The following DPP10 variants were observed in gnomAD, a reference collection of about 807,000 sequenced individuals.
DPP10 encodes the protein inactive dipeptidyl peptidase 10.
In DPP10, 33 loss-of-function variants were observed where a neutral mutation model predicts 120.9. The observed-to-expected ratio is 0.27, with a 90% CI of 0.21 to 0.37. DPP10 has a LOEUF of 0.37. Ranked by LOEUF, DPP10 falls within the 10% of genes least tolerant of loss-of-function variation. The pLI, the probability that DPP10 is intolerant of heterozygous loss-of-function variation, is 1.00. For synonymous variants in DPP10, 337 were observed against 326.1 expected (o/e 1.03, Z -0.36); for missense variants, 816 against 942.8 (o/e 0.87, Z 1.76).
intron 1 of DPP10, among the ~76,000 whole-genome samples, chr2:114,770,383 A>G (rs1321934631): frequency 1.3e-5 from 2 of 152,296 alleles, no homozygotes; most frequent in East Asian, 3.9e-4. Context: ...TAGGAATTAC[A>G]TTACTTTTTT....
At chr2:114,898,569 T>C (rs1183904395) in intron 1 of DPP10, among the ~76,000 whole-genome samples, 5 of 151,916 alleles carry the variant, frequency 3.3e-5, no homozygotes. Context: ...TGGAATGGAG[T>C]GTAAATATTG....
At chr2:114,532,064 C>T (rs185924722) in intron 1 of DPP10, among the ~76,000 whole-genome samples, 1 of 151,774 alleles carries the variant, frequency 6.6e-6, no homozygotes, top group African/African-American at 2.4e-5. Context: ...TGCCTGTAGA[C>T]GTGGGTGCTC....
In DPP10 at chr2:114,901,042, T is replaced by C. The variant is rs1186929918; in HGVS notation, c.61-408197T>C. On this transcript the variant is annotated intron_variant, in intron 1 of 25. Transcript: ENST00000410059. ...AGAGCATCTATCAGAAAAACATGAATTGTGCTAACATTGAAGCAAGAACAA... is the reference window on the plus strand; with the variant it reads ...AGAGCATCTATCAGAAAAACATGAACTGTGCTAACATTGAAGCAAGAACAA... 3.3e-5 allele frequency among the ~76,000 whole-genome samples: 5 copies of C among 152,224 alleles called. No individual in the cohort carries two copies. The East Asian group carries it at 9.7e-4, about 29-fold the overall frequency.
At chr2:114,549,115 T>C (rs1687656547) in intron 1 of DPP10, among the ~76,000 whole-genome samples, 1 of 152,026 alleles carries the variant, frequency 6.6e-6, no homozygotes, top group South Asian at 2.1e-4. Flanking sequence ...CTTATTTGGG[T>C]CATTTCCTTG....
At chr2:114,863,222 C>A (rs2106536372) in intron 1 of DPP10, among the ~76,000 whole-genome samples, 1 of 152,316 alleles carries the variant, frequency 6.6e-6, no homozygotes, top group Non-Finnish European at 1.5e-5. Flanking sequence ...AATTGACCAA[C>A]TTCATGGGTA....
chr2:115,514,790 G>T (rs1242241510), intron 4 of DPP10, among the ~76,000 whole-genome samples: 1 of 151,750 alleles, frequency 6.6e-6, no homozygotes, highest in Non-Finnish European at 1.5e-5. Flanking sequence ...AGATAGAACT[G>T]TTGCAGATGT....
chr2:115,468,410 G>T (rs2074467597), intron 3 of DPP10: 1 of 486,756 alleles, frequency 2.1e-6, no homozygotes, highest in Non-Finnish European at 4.1e-6. Context: ...AGGAGCCACA[G>T]CTTCTAGTGG....
chr2:114,753,527 T>G (rs1184155473), intron 1 of DPP10, among the ~76,000 whole-genome samples: 1 of 152,204 alleles, frequency 6.6e-6, no homozygotes, highest in Non-Finnish European at 1.5e-5. Context: ...CTGTCTTCCT[T>G]CATCTCTTAG....
At chr2:115,745,141 A>G (rs920561230) in intron 9 of DPP10, among the ~76,000 whole-genome samples, 1 of 150,452 alleles carries the variant, frequency 6.6e-6, no homozygotes, top group African/African-American at 2.4e-5. Flanking sequence ...TTTGAAGGCC[A>G]TTGTGTTGGA....
intron 1 of DPP10, among the ~76,000 whole-genome samples, chr2:114,516,893 T>C (rs1684636803): frequency 6.6e-6 from 1 of 152,228 alleles, no homozygotes; most frequent in Admixed American, 6.5e-5. Context: ...AGGTAATATT[T>C]GTTGTAGGAA....
chr2:114,611,073 C>G (rs1213940650), intron 1 of DPP10, among the ~76,000 whole-genome samples: 1 of 152,100 alleles, frequency 6.6e-6, no homozygotes, highest in Non-Finnish European at 1.5e-5. Context: ...GCTACCTACA[C>G]TATACTTAAT....
intron 1 of DPP10, among the ~76,000 whole-genome samples, chr2:114,886,785 G>A (rs1216277400): frequency 6.6e-6 from 1 of 152,204 alleles, no homozygotes; most frequent in Non-Finnish European, 1.5e-5. Context: ...CTGCAGTCAT[G>A]TAGTCGAGGC....
intron 1 of DPP10, among the ~76,000 whole-genome samples, chr2:115,060,480 C>A (rs1706316924): frequency 6.6e-6 from 1 of 152,042 alleles, no homozygotes; most frequent in Non-Finnish European, 1.5e-5. Flanking sequence ...GTAGTCCCAG[C>A]ACTCGGGAGG....
chr2:115,251,516 C>A (rs1413966064), intron 1 of DPP10, among the ~76,000 whole-genome samples: 3 of 152,092 alleles, frequency 2.0e-5, no homozygotes, highest in Non-Finnish European at 4.4e-5. Flanking sequence ...CTCTAAGTCT[C>A]TTCAACCCCT....
At chr2:115,276,327 C>A (rs1160568270) in intron 1 of DPP10, among the ~76,000 whole-genome samples, 1 of 152,004 alleles carries the variant, frequency 6.6e-6, no homozygotes, top group South Asian at 2.1e-4. Context: ...TTGTAAATAG[C>A]CTGTAGAGAA....
At chr2:115,002,064 AAT>A (rs1701478329) in intron 1 of DPP10, among the ~76,000 whole-genome samples, 1 of 152,168 alleles carries the variant, frequency 6.6e-6, no homozygotes, top group Non-Finnish European at 1.5e-5. Context: ...AAAAAGCCCA[AAT>A]AGCCAAGGCA....
At chr2:115,008,589 A>G (rs1702031407) in intron 1 of DPP10, among the ~76,000 whole-genome samples, 1 of 102,258 alleles carries the variant, frequency 9.8e-6, no homozygotes, top group Admixed American at 9.6e-5. Flanking sequence ...GGATCTAATT[A>G]AAGTAAAGAG....
intron 1 of DPP10, among the ~76,000 whole-genome samples, chr2:114,756,938 A>C (rs1679805213): frequency 6.6e-6 from 1 of 152,136 alleles, no homozygotes; most frequent in African/African-American, 2.4e-5. Flanking sequence ...TTTTCCTGTG[A>C]TTACATATGA....
At chr2:114,527,976 G>A (rs955965909) in intron 1 of DPP10, among the ~76,000 whole-genome samples, 3 of 152,172 alleles carry the variant, frequency 2.0e-5, no homozygotes, top group African/African-American at 7.2e-5. Context: ...ACGTCTTTCT[G>A]AGACACATGA....
Sources: gnomAD v4.1 joint callset for allele counts (sites outside exome capture counted in the v4.1 genomes callset) on GRCh38, gnomAD v4.1.1 for gene constraint, MANE v1.5 for transcripts, NCBI Gene and HGNC (gene_info 2026-07-23, HGNC 2026-07-21) for gene names.